The following DRC9 variants were observed in gnomAD, a reference collection of about 807,000 sequenced individuals.
DRC9 encodes dynein regulatory complex subunit 9.
chr3:197,949,984 T>A, the DRC9 span: 1 of 555,078 alleles, frequency 1.8e-6, no homozygotes, highest in South Asian at 9.1e-5. Flanking sequence ...CATTTTGCCT[T>A]CCCTTGTTCC....
the DRC9 span, chr3:197,956,089 TG>T: frequency 5.7e-6 from 2 of 348,050 alleles, no homozygotes; most frequent in Non-Finnish European, 1.1e-5. Context: ...TTGAAGTAGC[TG>T]GGACCACAGG....
chr3:197,918,343 A>G, the DRC9 span, among the ~76,000 whole-genome samples: 4 of 148,006 alleles, frequency 2.7e-5, no homozygotes, highest in Admixed American at 2.7e-4. Context: ...GTCTCAAACA[A>G]TCTACCTGCC....
the DRC9 span, chr3:197,955,713 C>T: frequency 6.5e-7 from 1 of 1,549,084 alleles, no homozygotes; most frequent in South Asian, 1.1e-5. Flanking sequence ...GTATATATAA[C>T]ATTCACCTAA....
chr3:197,932,882 T>G, the DRC9 span, among the ~76,000 whole-genome samples: 1 of 135,226 alleles, frequency 7.4e-6, no homozygotes, highest in African/African-American at 3.0e-5. Flanking sequence ...ATATATTATA[T>G]ATGTATAATA....
At chr3:197,943,067 T>A in the DRC9 span, among the ~76,000 whole-genome samples, 1 of 152,202 alleles carries the variant, frequency 6.6e-6, no homozygotes, top group Non-Finnish European at 1.5e-5. Context: ...ACTAAGTTAA[T>A]TTTCTGATAA....
the DRC9 span, chr3:197,955,846 CT>C: frequency 8.0e-7 from 1 of 1,249,860 alleles, no homozygotes; most frequent in African/African-American, 1.5e-5. Context: ...AACTTACTAC[CT>C]TAAATTGATT....
At chr3:197,902,406 GAT>G in the DRC9 span, among the ~76,000 whole-genome samples, 1 of 152,062 alleles carries the variant, frequency 6.6e-6, no homozygotes, top group South Asian at 2.1e-4. Flanking sequence ...GAGAAACAAA[GAT>G]ATGTGACGTT....
At chr3:197,898,857 T>G in the DRC9 span, among the ~76,000 whole-genome samples, 1 of 152,134 alleles carries the variant, frequency 6.6e-6, no homozygotes, top group African/African-American at 2.4e-5. Context: ...CCAAACCATA[T>G]CAGATGGTGT....
the DRC9 span, among the ~76,000 whole-genome samples, chr3:197,905,800 A>G: frequency 6.6e-6 from 1 of 152,156 alleles, no homozygotes; most frequent in African/African-American, 2.4e-5. Context: ...GAATTTGAAG[A>G]TGACTCAACA....
At chr3:197,909,500 G>T in the DRC9 span, among the ~76,000 whole-genome samples, 171 of 152,174 alleles carry the variant, frequency 1.1e-3, 4 homozygotes, top group East Asian at 0.015. Context: ...AGAAGGTTTC[G>T]CAATGTTATC....
the DRC9 span, chr3:197,892,887 T>C: frequency 8.4e-7 from 1 of 1,189,382 alleles, no homozygotes; most frequent in Non-Finnish European, 1.2e-6. Context: ...GAACAGTAGT[T>C]ACTTACCTGG....
chr3:197,952,160 G>A, the DRC9 span, among the ~76,000 whole-genome samples: 14 of 134,176 alleles, frequency 1.0e-4, no homozygotes, highest in African/African-American at 3.5e-4. Flanking sequence ...TTAAAATTAT[G>A]GGTTTTTTTT....
At chr3:197,955,754 T>C in the DRC9 span, 2 of 1,605,690 alleles carry the variant, frequency 1.2e-6, no homozygotes, top group Non-Finnish European at 1.7e-6. Flanking sequence ...CTGCAGATGC[T>C]GTACCCCTCA....
the DRC9 span, chr3:197,950,870 C>A: frequency 6.7e-7 from 1 of 1,498,302 alleles, no homozygotes; most frequent in Non-Finnish European, 9.3e-7. Flanking sequence ...GGGGCTTAAA[C>A]GAGAGGGGAC....
At chr3:197,937,977 AG>A in the DRC9 span, among the ~76,000 whole-genome samples, 5 of 152,254 alleles carry the variant, frequency 3.3e-5, no homozygotes, top group East Asian at 9.7e-4. Context: ...AAGGAAAAAA[AG>A]AAAAAGAAAA....
the DRC9 span, among the ~76,000 whole-genome samples, chr3:197,931,614 A>T: frequency 6.8e-6 from 1 of 147,808 alleles, no homozygotes; most frequent in Non-Finnish European, 1.5e-5. Context: ...AATTAAATCT[A>T]TTTTTTTTTT....
the DRC9 span, among the ~76,000 whole-genome samples, chr3:197,936,812 G>A: frequency 6.6e-6 from 1 of 152,128 alleles, no homozygotes; most frequent in African/African-American, 2.4e-5. Context: ...GGTATTTTGG[G>A]TCTTTCAGGA....
At chr3:197,950,070 T>G in the DRC9 span, 1 of 1,153,800 alleles carries the variant, frequency 8.7e-7, no homozygotes, top group Non-Finnish European at 1.1e-6. Flanking sequence ...TGAATGTGGC[T>G]TATTTCAGTG....
the DRC9 span, among the ~76,000 whole-genome samples, chr3:197,941,116 ATTTG>A: frequency 2.6e-5 from 4 of 151,628 alleles, no homozygotes; most frequent in East Asian, 3.9e-4. Flanking sequence ...ATGCCTTCCC[ATTTG>A]TTTGTCCTTC....
Sources: allele counts gnomAD v4.1 joint callset (sites outside exome capture counted in the v4.1 genomes callset), GRCh38; gene constraint gnomAD v4.1.1; transcripts MANE v1.5; gene names NCBI Gene and HGNC (gene_info 2026-07-23, HGNC 2026-07-21).